IQCM: variants seen among roughly 807,000 people sequenced by gnomAD.
The protein encoded by IQCM is IQ domain-containing protein M.
In IQCM, 45 loss-of-function variants were observed where a neutral mutation model predicts 57.6. The ratio of observed to expected loss-of-function variants is 0.78; its 90% CI spans 0.62 to 1.00. The LOEUF is 1.00. Ranked by LOEUF, IQCM falls within the 50% of genes least tolerant of loss-of-function variation. The pLI, the probability that IQCM is intolerant of heterozygous loss-of-function variation, is 0.00. For missense variants in IQCM, 468 were observed against 511.6 expected (o/e 0.91, Z 0.82); for synonymous variants, 148 against 158.9 (o/e 0.93, Z 0.51).
At chr4:149,380,668 G>A (rs1300092810) in intron 13 of IQCM, among the ~76,000 whole-genome samples, 1 of 152,090 alleles carries the variant, frequency 6.6e-6, no homozygotes. Context: ...AAAAACCCAT[G>A]TGTTATGGGG....
At chr4:149,357,283 T>C (rs1729072693) in intron 13 of IQCM, among the ~76,000 whole-genome samples, 1 of 152,206 alleles carries the variant, frequency 6.6e-6, no homozygotes, top group Non-Finnish European at 1.5e-5. Context: ...CAACACTATG[T>C]TGAATATGAG....
intron 12 of IQCM, among the ~76,000 whole-genome samples, chr4:149,526,080 G>A (rs1746131355): frequency 6.6e-6 from 1 of 151,838 alleles, no homozygotes; most frequent in African/African-American, 2.4e-5. Flanking sequence ...AAAAAGATGT[G>A]CTCAATTTTG....
At chr4:149,614,214 T>A (rs973996947) in intron 8 of IQCM, among the ~76,000 whole-genome samples, 1 of 152,150 alleles carries the variant, frequency 6.6e-6, no homozygotes, top group Non-Finnish European at 1.5e-5. Flanking sequence ...TAATGCAGCT[T>A]ATTATGAGAC....
intron 12 of IQCM, among the ~76,000 whole-genome samples, chr4:149,441,986 T>A (rs1449301154): frequency 1.3e-5 from 2 of 152,136 alleles, no homozygotes; most frequent in Non-Finnish European, 2.9e-5. Context: ...CACTTGTTGC[T>A]AGCACCTTGA....
intron 12 of IQCM, among the ~76,000 whole-genome samples, chr4:149,525,380 T>G (rs188450260): frequency 6.6e-6 from 1 of 152,044 alleles, no homozygotes; most frequent in African/African-American, 2.4e-5. Context: ...ATGTGATTCA[T>G]AAATGTTAAA....
intron 8 of IQCM, among the ~76,000 whole-genome samples, chr4:149,608,950 A>G (rs994605528): frequency 6.6e-6 from 1 of 151,732 alleles, no homozygotes; most frequent in Non-Finnish European, 1.5e-5. Flanking sequence ...AGGATCAAAA[A>G]CCAAAAAGAT....
At chr4:149,576,550 C>T (rs927202906) in intron 9 of IQCM, among the ~76,000 whole-genome samples, 5 of 151,890 alleles carry the variant, frequency 3.3e-5, no homozygotes, top group Non-Finnish European at 7.4e-5. Flanking sequence ...CCAGCTATAT[C>T]CATGTTACTG....
intron 7 of IQCM, among the ~76,000 whole-genome samples, chr4:149,634,151 A>C: frequency 6.6e-6 from 1 of 152,124 alleles, no homozygotes; most frequent in Admixed American, 6.5e-5. Flanking sequence ...CTGGAATTAT[A>C]GGTACACGCC....
intron 2 of IQCM, among the ~76,000 whole-genome samples, chr4:149,755,171 C>T (rs574249771): frequency 3.4e-4 from 52 of 152,276 alleles, no homozygotes; most frequent in African/African-American, 1.2e-3. Flanking sequence ...ATCAGAATAG[C>T]CTCCTAAGTG....
chr4:149,455,125 T>G (rs1283415645), intron 12 of IQCM, among the ~76,000 whole-genome samples: 3 of 152,088 alleles, frequency 2.0e-5, no homozygotes, highest in African/African-American at 7.2e-5. Flanking sequence ...AACCCAACAA[T>G]GTATGATACG....
chr4:149,780,251 T>C (rs1392883525), intron 2 of IQCM: 1 of 152,120 alleles, frequency 6.6e-6, no homozygotes, highest in Non-Finnish European at 1.5e-5. Flanking sequence ...ATAAATACTG[T>C]CCAACTTTTG....
At chr4:149,457,969 C>T (rs561373583) in intron 12 of IQCM, among the ~76,000 whole-genome samples, 8 of 151,796 alleles carry the variant, frequency 5.3e-5, no homozygotes, top group African/African-American at 1.7e-4. Context: ...AAAGGTGATG[C>T]GAGAGGGGTG....
At chr4:149,534,856 A>G (rs925641025) in intron 12 of IQCM, among the ~76,000 whole-genome samples, 8 of 152,140 alleles carry the variant, frequency 5.3e-5, no homozygotes, top group African/African-American at 1.9e-4. Context: ...ACCTTTTTAA[A>G]AAAAGGAAGC....
intron 2 of IQCM, among the ~76,000 whole-genome samples, chr4:149,779,514 T>C (rs1771404521): frequency 6.6e-6 from 1 of 152,112 alleles, no homozygotes; most frequent in Non-Finnish European, 1.5e-5. Flanking sequence ...GTAAGCCTTT[T>C]CAATAAATGA....
chr4:149,784,857 C>T (rs923888953), intron 2 of IQCM, among the ~76,000 whole-genome samples: 3 of 151,982 alleles, frequency 2.0e-5, no homozygotes, highest in Admixed American at 2.0e-4. Flanking sequence ...GAATGTAAAC[C>T]GTAAGGAGGT....
chr4:149,435,819 C>T (rs1735311506), intron 12 of IQCM, among the ~76,000 whole-genome samples: 1 of 151,790 alleles, frequency 6.6e-6, no homozygotes, highest in South Asian at 2.1e-4. Flanking sequence ...ATAAACAAAT[C>T]CTAAAATAGG....
At chr4:149,648,754 G>C (rs910542449) in intron 7 of IQCM, among the ~76,000 whole-genome samples, 6 of 152,050 alleles carry the variant, frequency 3.9e-5, no homozygotes, top group Non-Finnish European at 5.9e-5. Context: ...GTTGTGGGGT[G>C]GGGGGAGAAG....
chr4:149,686,101 T>C (rs936219313), intron 6 of IQCM, among the ~76,000 whole-genome samples: 25 of 151,510 alleles, frequency 1.7e-4, no homozygotes, highest in African/African-American at 4.6e-4. Context: ...GGCATTTTTT[T>C]CCCCAGGAAA....
chr4:149,507,877 G>A (rs1235310819), intron 12 of IQCM, among the ~76,000 whole-genome samples: 1 of 152,096 alleles, frequency 6.6e-6, no homozygotes, highest in Non-Finnish European at 1.5e-5. Flanking sequence ...CAGACCCAGA[G>A]GTTTGGGAGG....
Sources: gnomAD v4.1 joint callset for allele counts (sites outside exome capture counted in the v4.1 genomes callset) on GRCh38, gnomAD v4.1.1 for gene constraint, MANE v1.5 for transcripts, NCBI Gene and HGNC (gene_info 2026-07-23, HGNC 2026-07-21) for gene names.